The following ABCC6 variants were observed in gnomAD, a reference collection of about 807,000 sequenced individuals.
ABCC6 encodes the protein ATP-binding cassette sub-family C member 6.
ABCC6 carries 126 observed loss-of-function variants against 169.5 expected under a neutral mutation model. The observed-to-expected ratio is 0.74, with a 90% CI of 0.64 to 0.86. The LOEUF (loss-of-function observed/expected upper bound fraction) is 0.86. Ranked by LOEUF, ABCC6 falls within the 40% of genes least tolerant of loss-of-function variation. The pLI, the probability that ABCC6 is intolerant of heterozygous loss-of-function variation, is 0.00. For missense variants in ABCC6, 1,733 were observed against 1,927.2 expected (o/e 0.90, Z 1.89); for synonymous variants, 752 against 814.7 (o/e 0.92, Z 1.31).
At chr16:16,154,047 T>C (rs1346057901) in intron 29 of ABCC6, among the ~76,000 whole-genome samples, 2 of 151,778 alleles carry the variant, frequency 1.3e-5, no homozygotes, top group Admixed American at 6.6e-5. Context: ...CCTCCCTGGC[T>C]CAAGCGTTCT....
At chr16:16,169,359 TG>T (rs1567483986) in intron 22 of ABCC6, among the ~76,000 whole-genome samples, 2 of 152,230 alleles carry the variant, frequency 1.3e-5, no homozygotes, top group Non-Finnish European at 2.9e-5. Flanking sequence ...TCTGGAGGTT[TG>T]GGGGCAGGCA....
At chr16:16,206,506 G>A (rs2048395820) in intron 7 of ABCC6, among the ~76,000 whole-genome samples, 1 of 151,822 alleles carries the variant, frequency 6.6e-6, no homozygotes, top group South Asian at 2.1e-4. Flanking sequence ...GACTGGACCA[G>A]CAGGTGGCTG....
intron 11 of ABCC6, among the ~76,000 whole-genome samples, chr16:16,191,989 A>AT (rs1368396835): frequency 5.3e-5 from 8 of 152,112 alleles, no homozygotes; most frequent in African/African-American, 1.9e-4. Flanking sequence ...AGGACCCTGT[A>AT]GGTTGTGGGA....
intron 22 of ABCC6, among the ~76,000 whole-genome samples, chr16:16,168,759 C>T (rs1009630003): frequency 5.9e-5 from 9 of 152,072 alleles, no homozygotes; most frequent in East Asian, 5.8e-4. Flanking sequence ...CGCACACCCA[C>T]GTGCAAGCAA....
chr16:16,170,072 G>C (rs2047010407), intron 21 of ABCC6, among the ~76,000 whole-genome samples: 1 of 147,222 alleles, frequency 6.8e-6, no homozygotes, highest in Non-Finnish European at 1.5e-5. Flanking sequence ...AATCCCCAGG[G>C]AGCTAGTATT....
intron 29 of ABCC6, among the ~76,000 whole-genome samples, chr16:16,152,923 G>GTCTT (rs1313980068): frequency 2.6e-5 from 4 of 151,474 alleles, no homozygotes; most frequent in African/African-American, 9.7e-5. Flanking sequence ...TTGAGACGGA[G>GTCTT]TCTTACTCTG....
intron 6 of ABCC6, among the ~76,000 whole-genome samples, chr16:16,210,864 G>A (rs148454929): frequency 1.3e-5 from 2 of 151,998 alleles, no homozygotes; most frequent in Non-Finnish European, 2.9e-5. Context: ...GAGGTCGAGT[G>A]GGGTAGATCA....
intron 26 of ABCC6, 100 bp downstream of exon 26, chr16:16,159,382 G>T (rs573249645): frequency 3.6e-6 from 4 of 1,112,138 alleles, no homozygotes; most frequent in African/African-American, 1.5e-5. Flanking sequence ...GGAGAAGAGG[G>T]TATAAACTCC....
chr16:16,190,163 C>T lies in ABCC6; in HGVS notation c.1635+1G>A, dbSNP rs1264741133. 1 of 1,613,502 alleles carries T rather than the reference C, an allele frequency of 6.2e-7. No homozygotes were observed. The highest frequency in any genetic ancestry group is 8.5e-7 in the Non-Finnish European group (1 of 1,179,966). ...CAGCATAGAGACTAGAGTGACGTCA[C>T]CAGAAATGTAGACACTTGGAAGGAC... On this transcript the variant is annotated splice_donor_variant, in intron 12 of 30. Transcript: ENST00000205557. LOFTEE classifies it high-confidence loss of function.
At chr16:16,169,032 G>T (rs1054046834) in intron 22 of ABCC6, among the ~76,000 whole-genome samples, 14 of 152,158 alleles carry the variant, frequency 9.2e-5, no homozygotes, top group African/African-American at 3.4e-4. Flanking sequence ...AGTGAGCCGA[G>T]ACGGCAGCAC....
chr16:16,164,116 C>T (rs1287419841), intron 23 of ABCC6, among the ~76,000 whole-genome samples: 1 of 152,124 alleles, frequency 6.6e-6, no homozygotes, highest in Non-Finnish European at 1.5e-5. Context: ...TCGCTGCAAC[C>T]TCTGCCTCCC....
intron 21 of ABCC6, among the ~76,000 whole-genome samples, chr16:16,171,423 A>G (rs903227878): frequency 6.6e-6 from 1 of 152,162 alleles, no homozygotes; most frequent in African/African-American, 2.4e-5. Context: ...TATTGGACAT[A>G]GCTTACTTAT....
At position 16,150,256 on chromosome 16, in the gene ABCC6, G is replaced by A; in HGVS notation, c.4404-15C>T. ...TGACCAGAACCCTGTGGGGGAGAGGGAGACAGAGAGGCTCTTTGGACACCA... is the reference window on the plus strand; with the variant it reads ...TGACCAGAACCCTGTGGGGGAGAGGAAGACAGAGAGGCTCTTTGGACACCA... On this transcript the variant is annotated splice_polypyrimidine_tract_variant and intron_variant, in intron 30 of 30. Coordinates refer to ENST00000205557, the MANE Select transcript of ABCC6 (RefSeq NM_001171.6). The A allele has an allele frequency of 6.2e-7, 1 of 1,613,830 alleles. No homozygotes were observed. The highest frequency in any genetic ancestry group is 8.5e-7 in the Non-Finnish European group (1 of 1,179,954).
chr16:16,215,752 G>C (rs1246369820), intron 4 of ABCC6, among the ~76,000 whole-genome samples: 3 of 151,700 alleles, frequency 2.0e-5, no homozygotes, highest in Non-Finnish European at 4.4e-5. Context: ...GGGATTACAG[G>C]CATGAGCCAC....
rs530389460 is a variant in ABCC6 at position 16,211,255 on chromosome 16, G to A, written c.662+930C>T. 3.7e-4 allele frequency among the ~76,000 whole-genome samples: 56 copies of A among 151,800 alleles called. No homozygotes were observed. The South Asian group carries it at 0.01, about 28-fold the overall frequency. On this transcript the variant is annotated intron_variant, in intron 6 of 30. Coordinates refer to ENST00000205557, the MANE Select transcript of ABCC6 (RefSeq NM_001171.6). ...TGTCTCTACTAAAAATACAAAATTA[G>A]CCGAGCATAGTGGTGCATGCCTGTA... is the stretch of plus-strand genomic sequence containing the variant.
chr16:16,190,399 C>G, intron 11 of ABCC6, 32 bp from the exon 12 acceptor site: 1 of 1,612,506 alleles, frequency 6.2e-7, no homozygotes, highest in Non-Finnish European at 8.5e-7. Flanking sequence ...GAGATGAAGA[C>G]AGGGACAGTT....
intron 22 of ABCC6, among the ~76,000 whole-genome samples, chr16:16,168,463 G>A (rs1227122079): frequency 6.6e-6 from 1 of 152,178 alleles, no homozygotes; most frequent in African/African-American, 2.4e-5. Flanking sequence ...TCCAGCCTGG[G>A]TGACAAAGCC....
intron 9 of ABCC6, among the ~76,000 whole-genome samples, chr16:16,199,511 C>A (rs1486111407): frequency 7.9e-6 from 1 of 127,330 alleles, no homozygotes; most frequent in Non-Finnish European, 1.8e-5. Flanking sequence ...TCTGCCTTAA[C>A]CCTGGGGTCA....
At chr16:16,180,100 A>ACTGAT (rs1286722507) in intron 17 of ABCC6, among the ~76,000 whole-genome samples, 1 of 152,166 alleles carries the variant, frequency 6.6e-6, no homozygotes, top group Non-Finnish European at 1.5e-5. Flanking sequence ...TAATGCTGCC[A>ACTGAT]CTGATCTGAC....
Sources: allele counts gnomAD v4.1 joint callset (sites outside exome capture counted in the v4.1 genomes callset), GRCh38; gene constraint gnomAD v4.1.1; transcripts MANE v1.5; gene names NCBI Gene and HGNC (gene_info 2026-07-23, HGNC 2026-07-21).